The following GGNBP2 variants were observed in gnomAD, a reference collection of about 807,000 sequenced individuals.
GGNBP2 encodes the protein gametogenetin binding protein 2.
A neutral mutation model predicts 85.9 loss-of-function variants in GGNBP2; 10 were observed. That is an observed-to-expected ratio of 0.12 (90% CI 0.07 to 0.20). The LOEUF (loss-of-function observed/expected upper bound fraction) is 0.20, where lower values mean the gene tolerates loss of function less well. GGNBP2 is among the 10% of genes least tolerant of loss of function. The pLI, the probability that GGNBP2 is intolerant of heterozygous loss-of-function variation, is 1.00. For missense variants in GGNBP2, 595 were observed against 857.8 expected (o/e 0.69, Z 3.83); for synonymous variants, 287 against 285.7 (o/e 1.00, Z -0.05).
intron 2 of GGNBP2, among the ~76,000 whole-genome samples, chr17:36,552,867 A>G (rs2074323906): frequency 6.6e-6 from 1 of 152,224 alleles, no homozygotes; most frequent in East Asian, 1.9e-4. Flanking sequence ...CTAAAAATAC[A>G]AAATATTAAC....
chr17:36,565,144 A>T (rs1322210777), intron 5 of GGNBP2, among the ~76,000 whole-genome samples: 1 of 152,226 alleles, frequency 6.6e-6, no homozygotes, highest in African/African-American at 2.4e-5. Flanking sequence ...CAACTATATT[A>T]AATGCGGCCA....
intron 5 of GGNBP2, among the ~76,000 whole-genome samples, chr17:36,564,063 T>C (rs1029508490): frequency 3.3e-5 from 5 of 152,348 alleles, no homozygotes; most frequent in South Asian, 2.1e-4. Context: ...CAGTATCTTT[T>C]AAAAATTTTT....
At chr17:36,549,098 ATATT>A (rs2074283592) in intron 2 of GGNBP2, among the ~76,000 whole-genome samples, 1 of 152,222 alleles carries the variant, frequency 6.6e-6, no homozygotes, top group Admixed American at 6.5e-5. Context: ...GAATGGTGAA[ATATT>A]TAAGAAAGTT....
chr17:36,551,018 T>G (rs1445025508), intron 2 of GGNBP2, among the ~76,000 whole-genome samples: 1 of 152,008 alleles, frequency 6.6e-6, no homozygotes, highest in East Asian at 1.9e-4. Flanking sequence ...GAGGACAGAG[T>G]ATTTAGTTTG....
rs2074245686 is a variant in GGNBP2 at position 36,545,696 on chromosome 17, T to C, written c.-29T>C. On this transcript the variant is annotated 5_prime_UTR_variant, in exon 2 of 14. Transcript: ENST00000613102. ...GGCGGCGGCAGCTGGGAGGAGGTGG[T>C]GACGGTGGCAACGGCAGCGTCGGGG... 1.3e-6 allele frequency: 2 copies of C among 1,525,878 alleles called. No homozygotes were observed. The allele number at this position is 1,525,878 out of a possible 1,614,324, so 94.5% of individuals were successfully genotyped here. A position where few individuals can be genotyped will look rare whatever the true frequency, so the allele number is the denominator to read the frequency against.
chr17:36,571,865 AAAAT>A (rs931319597), intron 6 of GGNBP2, among the ~76,000 whole-genome samples: 13 of 151,688 alleles, frequency 8.6e-5, no homozygotes, highest in Non-Finnish European at 1.9e-4. Context: ...ATAGTAAATA[AAAAT>A]AAATAAATAA....
intron 11 of GGNBP2, 40 bp downstream of exon 11, chr17:36,586,005 G>A: frequency 6.2e-7 from 1 of 1,613,818 alleles, no homozygotes. Flanking sequence ...TCTACTACAT[G>A]GCTGACTTAA....
At chr17:36,575,642 A>ATTT (rs1341363221) in intron 6 of GGNBP2, among the ~76,000 whole-genome samples, 53 of 51,614 alleles carry the variant, frequency 1.0e-3, no homozygotes, top group African/African-American at 4.0e-3. Flanking sequence ...ATATATATAT[A>ATTT]TATATATTTT....
At chr17:36,564,389 T>A (rs1159072985) in intron 5 of GGNBP2, among the ~76,000 whole-genome samples, 1 of 152,246 alleles carries the variant, frequency 6.6e-6, no homozygotes, top group African/African-American at 2.4e-5. Context: ...TCAATCACTT[T>A]GCTTATTCAG....
intron 8 of GGNBP2, among the ~76,000 whole-genome samples, chr17:36,580,918 CA>C (rs201738616): frequency 0.068 from 9,110 of 133,616 alleles, 454 homozygotes; most frequent in East Asian, 0.17. Context: ...GACTCTGTCT[CA>C]AAAAAAAAAA....
chr17:36,558,414 C>CAAAA (rs755597241), intron 4 of GGNBP2, among the ~76,000 whole-genome samples: 2 of 18,970 alleles, frequency 1.1e-4, no homozygotes, highest in African/African-American at 2.0e-4. Context: ...AGCTCCATCT[C>CAAAA]AAAAAAAAAA....
rs776891544 is a variant in GGNBP2 at position 36,589,429 on chromosome 17, G to T, written c.*18G>T. ...CAAATTAAATAAATAAAATAGCTCT[G>T]TCTTTCAATGAAACACTCACGATGA... On this transcript the variant is annotated 3_prime_UTR_variant, in exon 14 of 14. Coordinates refer to ENST00000613102, the MANE Select transcript of GGNBP2 (RefSeq NM_024835.5). 1.3e-6 allele frequency: 2 copies of T among 1,586,522 alleles called. No homozygotes were observed. Among genetic ancestry groups the T allele is most frequent in the Admixed American group, 3.4e-5 (2 of 59,686 alleles).
At chr17:36,551,209 C>CT (rs67093103) in intron 2 of GGNBP2, among the ~76,000 whole-genome samples, 10,865 of 145,982 alleles carry the variant, frequency 0.074, 664 homozygotes, top group African/African-American at 0.17. Context: ...TCTTTATTGA[C>CT]TTTTTTTTTT....
At chr17:36,560,376 T>A (rs1305630600) in intron 4 of GGNBP2, among the ~76,000 whole-genome samples, 1 of 152,256 alleles carries the variant, frequency 6.6e-6, no homozygotes, top group African/African-American at 2.4e-5. Flanking sequence ...TGATGACTCC[T>A]CTTCAAGGAT....
chr17:36,545,498 A>C, intron 1 of GGNBP2, 121 bp from the exon 2 acceptor site: 1 of 448,070 alleles, frequency 2.2e-6, no homozygotes, highest in South Asian at 4.1e-5. Context: ...GCGTGTGTGG[A>C]ATCGGGTGAT....
intron 6 of GGNBP2, chr17:36,576,584 A>AAAAT (rs1567830323): frequency 3.2e-4 from 15 of 47,130 alleles, no homozygotes; most frequent in African/African-American, 1.5e-3. Flanking sequence ...AAAAAAAAAA[A>AAAAT]ATATATATAT....
In GGNBP2 at chr17:36,589,598, C is replaced by G. The variant is rs1165779109; in HGVS notation, c.*187C>G. On this transcript the variant is annotated 3_prime_UTR_variant, in exon 14 of 14. Coordinates refer to ENST00000613102, the MANE Select transcript of GGNBP2 (RefSeq NM_024835.5). ...TTCTTCAGGCTTGTGTCTTTAGTTGCGTGGCTGCGCAGGCCTGCCATATGA... is the reference window on the plus strand; with the variant it reads ...TTCTTCAGGCTTGTGTCTTTAGTTGGGTGGCTGCGCAGGCCTGCCATATGA... 3.4e-6 allele frequency: 2 copies of G among 590,926 alleles called. No homozygotes were observed. Among genetic ancestry groups the G allele is most frequent in the Admixed American group, 3.1e-5 (1 of 31,962 alleles). 36.6% of individuals were successfully genotyped at this position (590,926 alleles called of 1,614,324 possible). A position where few individuals can be genotyped will look rare whatever the true frequency, so the allele number is the denominator to read the frequency against.
chr17:36,561,765 A>T (rs1388809934), intron 5 of GGNBP2, among the ~76,000 whole-genome samples: 1 of 151,992 alleles, frequency 6.6e-6, no homozygotes, highest in East Asian at 1.9e-4. Flanking sequence ...TTGGGACTAC[A>T]GGTGCGTGCC....
At chr17:36,552,172 A>G (rs765803772) in intron 2 of GGNBP2, among the ~76,000 whole-genome samples, 2 of 152,222 alleles carry the variant, frequency 1.3e-5, no homozygotes, top group Non-Finnish European at 2.9e-5. Context: ...GTGACCTCCA[A>G]TATTCTGTTG....
Sources: gnomAD v4.1 joint callset for allele counts (sites outside exome capture counted in the v4.1 genomes callset) on GRCh38, gnomAD v4.1.1 for gene constraint, MANE v1.5 for transcripts, NCBI Gene and HGNC (gene_info 2026-07-23, HGNC 2026-07-21) for gene names.